CNTNAP3B: variants seen among roughly 807,000 people sequenced by gnomAD.
CNTNAP3B encodes the protein contactin-associated protein-like 3B.
Under a neutral mutation model 108.9 loss-of-function variants are expected in CNTNAP3B, and 25 were observed. The observed-to-expected ratio is 0.23, with a 90% CI of 0.17 to 0.32. The LOEUF is 0.32. CNTNAP3B is among the 10% of genes least tolerant of loss of function. The pLI, the probability that CNTNAP3B is intolerant of heterozygous loss-of-function variation, is 1.00. For synonymous variants in CNTNAP3B, 103 were observed against 473.4 expected (o/e 0.22, Z 10.16); for missense variants, 252 against 1,210.4 (o/e 0.21, Z 11.75).
At chr9:41,997,444 C>A in intron 6 of CNTNAP3B, 124 bp downstream of exon 6, 1 of 1,331,382 alleles carries the variant, frequency 7.5e-7, no homozygotes, top group Non-Finnish European at 1.0e-6. Flanking sequence ...TTTCATAGTA[C>A]CGGGACAGAC....
intron 15 of CNTNAP3B, among the ~76,000 whole-genome samples, chr9:41,928,578 C>G: frequency 6.6e-6 from 1 of 152,290 alleles, no homozygotes; most frequent in Non-Finnish European, 1.5e-5. Context: ...CAAGAATGTA[C>G]AGAGAGGCTC....
intron 14 of CNTNAP3B, among the ~76,000 whole-genome samples, chr9:41,931,430 T>G (rs1823974543): frequency 6.6e-6 from 1 of 152,286 alleles, no homozygotes; most frequent in Non-Finnish European, 1.5e-5. Context: ...TTAACTCGAC[T>G]TTTGTACCCA....
At chr9:41,956,234 A>G (rs566970851) in intron 12 of CNTNAP3B, among the ~76,000 whole-genome samples, 1 of 151,954 alleles carries the variant, frequency 6.6e-6, no homozygotes, top group African/African-American at 2.4e-5. Flanking sequence ...AAAATACAAA[A>G]AATTAGCCGG....
At chr9:41,915,754 C>G (rs1328348626) in intron 18 of CNTNAP3B, among the ~76,000 whole-genome samples, 1 of 129,014 alleles carries the variant, frequency 7.8e-6, no homozygotes, top group Non-Finnish European at 1.7e-5. Flanking sequence ...GTTTTTTTTT[C>G]CCCTCTCATT....
At chr9:42,124,042 T>A (rs1587291094) in intron 1 of CNTNAP3B, among the ~76,000 whole-genome samples, 1 of 135,786 alleles carries the variant, frequency 7.4e-6, no homozygotes, top group South Asian at 2.4e-4. Flanking sequence ...AGGCAATACA[T>A]ACTAGACCAC....
At chr9:42,066,976 AG>A (rs1439056036) in intron 3 of CNTNAP3B, among the ~76,000 whole-genome samples, 3 of 151,738 alleles carry the variant, frequency 2.0e-5, no homozygotes, top group Non-Finnish European at 4.4e-5. Context: ...TATAAAAAAA[AG>A]TCATACATAG....
At chr9:41,927,084 TA>T (rs1823841526) in intron 15 of CNTNAP3B, among the ~76,000 whole-genome samples, 2 of 152,260 alleles carry the variant, frequency 1.3e-5, no homozygotes, top group Admixed American at 6.5e-5. Context: ...TTCTTGAAGA[TA>T]AAACAGCACA....
chr9:42,080,415 A>C (rs145915180), intron 2 of CNTNAP3B, among the ~76,000 whole-genome samples: 1 of 139,954 alleles, frequency 7.1e-6, no homozygotes, highest in Non-Finnish European at 1.5e-5. Flanking sequence ...TCCCAGATGC[A>C]TTTTAAGGGT....
intron 17 of CNTNAP3B, among the ~76,000 whole-genome samples, chr9:41,920,948 T>C (rs1199859579): frequency 3.3e-5 from 5 of 152,290 alleles, no homozygotes; most frequent in Admixed American, 3.3e-4. Context: ...CAAACTTGAA[T>C]GCTGAAGAAA....
chr9:42,037,271 T>TAAAAAAA (rs71275515), intron 3 of CNTNAP3B, among the ~76,000 whole-genome samples: 1 of 91,714 alleles, frequency 1.1e-5, no homozygotes. Flanking sequence ...AAAGTATAAT[T>TAAAAAAA]AAAAAAAAAA....
At position 42,102,056 on chromosome 9, in the gene CNTNAP3B, GATAA is replaced by G. The variant is rs772930176; in HGVS notation, c.196+2569_196+2572del. ...TGGCAACACAGCAAGACTCCATCTC[GATAA>G]ATAAATAAATAAATAAATAAATAAA... is the stretch of plus-strand genomic sequence containing the variant. On this transcript the variant is annotated intron_variant, in intron 2 of 23. Coordinates refer to ENST00000377561, the MANE Select transcript of CNTNAP3B (RefSeq NM_001201380.3). Among the ~76,000 whole-genome samples the G allele has an allele frequency of 4.7e-3, 164 of 34,852 alleles. 13 individuals carry two copies. The highest frequency in any genetic ancestry group is 0.012 in the African/African-American group (126 of 10,604). The allele number at this position is 34,852 out of a possible 152,430, so 22.9% of individuals were successfully genotyped here.
In CNTNAP3B at chr9:42,109,526, C is replaced by T. The variant is rs375153948; in HGVS notation, c.86-4787G>A. 2.6e-3 allele frequency among the ~76,000 whole-genome samples: 379 copies of T among 147,326 alleles called. 6 individuals are homozygous for T. Among genetic ancestry groups the T allele is most frequent in the South Asian group, 4.4e-3 (21 of 4,726 alleles). Reference sequence around the variant, plus strand: ...AAATGGGAAAAGCCAAAAGGAGGGGCGACAACTGATCCTTTGGGGAGGAGC... The same window carrying T: ...AAATGGGAAAAGCCAAAAGGAGGGGTGACAACTGATCCTTTGGGGAGGAGC... On this transcript the variant is annotated intron_variant, in intron 1 of 23. Transcript: ENST00000377561.
chr9:42,088,969 C>T (rs1827762732), intron 2 of CNTNAP3B, among the ~76,000 whole-genome samples: 2 of 131,134 alleles, frequency 1.5e-5, no homozygotes, highest in South Asian at 2.5e-4. Flanking sequence ...GTAATCCCAG[C>T]ACTTTGGAAG....
intron 1 of CNTNAP3B, among the ~76,000 whole-genome samples, chr9:42,111,109 T>A (rs1828185723): frequency 7.2e-6 from 1 of 138,402 alleles, no homozygotes; most frequent in South Asian, 2.3e-4. Flanking sequence ...GCCTCAGGCC[T>A]GGCAACTGAA....
In CNTNAP3B at chr9:41,975,175, A is replaced by G. The variant is rs1297706602; in HGVS notation, c.1478-4930T>C. The G allele has an allele frequency of 2.4e-3, 449 of 189,166 alleles. 14 individuals are homozygous for G. Among genetic ancestry groups the G allele is most frequent in the East Asian group, 4.9e-3 (25 of 5,080 alleles). The allele number at this position is 189,166 out of a possible 1,614,324, so 11.7% of individuals were successfully genotyped here. On this transcript the variant is annotated intron_variant, in intron 9 of 23. Transcript: ENST00000377561. ...GCCTTTCCGGTGGGGAAGACTAGCAAATCAGGCGGCAAGATCATCGTGGGC... is the reference window on the plus strand; with the variant it reads ...GCCTTTCCGGTGGGGAAGACTAGCAGATCAGGCGGCAAGATCATCGTGGGC...
In CNTNAP3B at chr9:42,086,479, G is replaced by A. The variant is rs190790179; in HGVS notation, c.197-9417C>T. 4.5e-4 allele frequency among the ~76,000 whole-genome samples: 59 copies of A among 131,094 alleles called. 2 individuals carry two copies. The highest frequency in any genetic ancestry group is 4.0e-3 in the Admixed American group (51 of 12,838). The allele number at this position is 131,094 out of a possible 152,430, so 86.0% of individuals were successfully genotyped here. On this transcript the variant is annotated intron_variant, in intron 2 of 23. Coordinates refer to ENST00000377561, the MANE Select transcript of CNTNAP3B (RefSeq NM_001201380.3). Reference sequence around the variant, plus strand: ...TACATTTTACAACAGGCGGAGTCTCGCTCTGTTGCCCAGGCCAAGATTCAA... The same window carrying A: ...TACATTTTACAACAGGCGGAGTCTCACTCTGTTGCCCAGGCCAAGATTCAA...
intron 3 of CNTNAP3B, among the ~76,000 whole-genome samples, chr9:42,044,329 G>C (rs1040739552): frequency 1.3e-5 from 2 of 151,108 alleles, no homozygotes; most frequent in African/African-American, 4.9e-5. Flanking sequence ...GCAGTTTCTG[G>C]CATCCACCAG....
intron 3 of CNTNAP3B, among the ~76,000 whole-genome samples, chr9:42,030,804 A>ATGTGTGC (rs1465079073): frequency 4.4e-5 from 3 of 67,558 alleles, no homozygotes; most frequent in African/African-American, 1.8e-4. Flanking sequence ...AGAGAGAGAG[A>ATGTGTGC]GAGAGAGAGG....
At chr9:41,917,899 A>G (rs201418962) in intron 18 of CNTNAP3B, among the ~76,000 whole-genome samples, 1 of 151,368 alleles carries the variant, frequency 6.6e-6, no homozygotes, top group Non-Finnish European at 1.5e-5. Context: ...AGCTTCCGTC[A>G]TACTGAGCTA....
Sources: gnomAD v4.1 joint callset for allele counts (sites outside exome capture counted in the v4.1 genomes callset) on GRCh38, gnomAD v4.1.1 for gene constraint, MANE v1.5 for transcripts, NCBI Gene and HGNC (gene_info 2026-07-23, HGNC 2026-07-21) for gene names.